EME1: variants seen among roughly 807,000 people sequenced by gnomAD.
EME1 encodes structure-specific endonuclease subunit EME1.
A neutral mutation model predicts 59.1 loss-of-function variants in EME1; 61 were observed. The observed-to-expected ratio is 1.03, with a 90% CI of 0.84 to 1.28. EME1 has a LOEUF of 1.28. Ranked by LOEUF, EME1 falls within the 50% of genes most tolerant of loss-of-function variation. The probability of loss-of-function intolerance (pLI) is 0.00; values close to 1 mark genes in which losing one functional copy is unlikely to be tolerated. For synonymous variants in EME1, 230 were observed against 254.2 expected (o/e 0.90, Z 0.90); for missense variants, 635 against 682.6 (o/e 0.93, Z 0.78).
chr17:50,374,843 C>CAA (rs896140765), intron 1 of EME1, among the ~76,000 whole-genome samples: 1 of 134,850 alleles, frequency 7.4e-6, no homozygotes, highest in Non-Finnish European at 1.6e-5. Flanking sequence ...GACTCCATCT[C>CAA]AAAAAAAAAA....
rs764264502 is a variant in EME1 at position 50,375,604 on chromosome 17, A to T, written c.396A>T (p.Ser132=). 2 of 1,579,838 alleles carry T rather than the reference A, an allele frequency of 1.3e-6. No individual in the cohort carries two copies. The highest frequency in any genetic ancestry group is 1.7e-6 in the Non-Finnish European group (2 of 1,169,328). Residue 132 remains serine, a synonymous_variant, in exon 2 of 9, where the codon TCA becomes TCT. Coordinates refer to ENST00000338165, the MANE Select transcript of EME1 (RefSeq NM_152463.4). ...ATCATCAAAATAATGAAGGTGCATC[A>T]TGTGACTGGAAAAAGCCCTTTCCAA... ...VLDHQNNEGA[S]CDWKKPFPKI...
chr17:50,376,163 C>A lies in EME1; in HGVS notation c.873C>A (p.Val291=). 1 of 1,613,804 alleles carries A rather than the reference C, an allele frequency of 6.2e-7. No individual in the cohort carries two copies. The highest frequency in any genetic ancestry group is 1.1e-5 in the South Asian group (1 of 91,028). The change falls in exon 3 of 9, where the codon GTC becomes GTA. Residue 291 remains valine, a synonymous_variant. Coordinates refer to ENST00000338165, the MANE Select transcript of EME1 (RefSeq NM_152463.4). ...VIEAQAVPCS[V]TWRRRAGPSE... is the part of the protein sequence containing the mutation. The stretch of plus-strand genomic sequence containing the variant: ...AGGCGCAGGCTGTGCCTTGCAGTGT[C>A]ACTTGGAGGAGAAGGGCTGGGCCGT...
chr17:50,377,885 A>G (rs1022754265), intron 3 of EME1, among the ~76,000 whole-genome samples: 5 of 151,678 alleles, frequency 3.3e-5, no homozygotes, highest in African/African-American at 1.2e-4. Flanking sequence ...CCTCCCAAGT[A>G]GCTGGGATTA....
At chr17:50,379,668 G>A in intron 7 of EME1, 101 bp downstream of exon 7, 1 of 1,006,132 alleles carries the variant, frequency 9.9e-7, no homozygotes, top group Non-Finnish European at 1.5e-6. Flanking sequence ...TCTGCAGTCA[G>A]CCCATTGTCT....
In EME1 at chr17:50,381,386, C is replaced by T. The variant is rs1314916945; in HGVS notation, c.*447C>T. On this transcript the variant is annotated 3_prime_UTR_variant, in exon 9 of 9. Coordinates refer to ENST00000338165, the MANE Select transcript of EME1 (RefSeq NM_152463.4). ...AAGGAACGGGATTATGATGACTATGCGGACTTCTATATTGTCTTCATCTCA... is the reference window on the plus strand; with the variant it reads ...AAGGAACGGGATTATGATGACTATGTGGACTTCTATATTGTCTTCATCTCA... The T allele has an allele frequency of 1.1e-5, 2 of 187,494 alleles. No homozygotes were observed. Among genetic ancestry groups the T allele is most frequent in the Non-Finnish European group, 2.3e-5 (2 of 87,998 alleles). 11.6% of individuals were successfully genotyped at this position (187,494 alleles called of 1,614,324 possible). A position where few individuals can be genotyped will look rare whatever the true frequency, so the allele number is the denominator to read the frequency against.
At position 50,380,353 on chromosome 17, in the gene EME1, G is replaced by T; in HGVS notation, c.1388G>T (p.Ser463Ile). Residue 463 changes from serine to isoleucine, a missense_variant, in exon 8 of 9, where the codon AGT becomes ATT. Ser to Ile is a moderately radical substitution (Grantham distance 142). Transcript: ENST00000338165. ...DETTFSFCLE[S>I]DWAGGVKVDL... ...ACTACCTTCTCCTTCTGTCTGGAGAGTGACTGGGCTGGAGGGGTGAAGGTG... is the reference window on the plus strand; with the variant it reads ...ACTACCTTCTCCTTCTGTCTGGAGATTGACTGGGCTGGAGGGGTGAAGGTG... 1 of 1,613,692 alleles carries T rather than the reference G, an allele frequency of 6.2e-7. No individual in the cohort carries two copies. Among genetic ancestry groups the T allele is most frequent in the Non-Finnish European group, 8.5e-7 (1 of 1,179,784 alleles).
chr17:50,373,300 C>G, intron 1 of EME1, 23 bp downstream of exon 1: 2 of 1,316,794 alleles, frequency 1.5e-6, no homozygotes, highest in Non-Finnish European at 2.1e-6. Flanking sequence ...GGTCGCAGGC[C>G]TGCGGATTGG....
chr17:50,375,001 G>A, intron 1 of EME1, 184 bp from the exon 2 acceptor site: 1 of 499,706 alleles, frequency 2.0e-6, no homozygotes, highest in Non-Finnish European at 3.5e-6. Flanking sequence ...AAGAATTTGA[G>A]GAGGATTCCT....
At chr17:50,378,739 G>T in intron 4 of EME1, 35 bp from the exon 5 acceptor site, 1 of 1,614,224 alleles carries the variant, frequency 6.2e-7, no homozygotes, top group Non-Finnish European at 8.5e-7. Flanking sequence ...TTACTAGGAA[G>T]CAAGTATTAA....
In EME1 at chr17:50,375,317, C is replaced by T. The variant is rs1249384426; in HGVS notation, c.109C>T (p.Gln37Ter). The change falls in exon 2 of 9, where the codon CAG becomes TAG. Residue 37 changes from glutamine to a stop codon, truncating the protein, a stop_gained. Transcript: ENST00000338165. LOFTEE classifies it high-confidence loss of function. ...KKEPSSTKRR[Q>*]PEREEKIVVV... ...GGAACCATCTTCAACAAAGAGGAGA[C>T]AGCCTGAAAGGGAAGAGAAGATTGT... The T allele has an allele frequency of 3.1e-6, 5 of 1,614,166 alleles. No individual in the cohort carries two copies. The highest frequency in any genetic ancestry group is 4.2e-6 in the Non-Finnish European group (5 of 1,180,038).
In EME1 at chr17:50,380,957, G is replaced by A. The variant is rs774471098; in HGVS notation, c.*18G>A. The A allele has an allele frequency of 1.9e-6, 3 of 1,611,834 alleles. No individual in the cohort carries two copies. Among genetic ancestry groups the A allele is most frequent in the East Asian group, 2.2e-5 (1 of 44,814 alleles). On this transcript the variant is annotated 3_prime_UTR_variant, in exon 9 of 9. Transcript: ENST00000338165. ...CTGACTGATTCTAGCCCTCAGGGAT[G>A]AGGATGAAAAGCTGGAAACTTCCAC...
intron 1 of EME1, 63 bp downstream of exon 1, chr17:50,373,340 C>T: frequency 2.3e-6 from 2 of 874,778 alleles, no homozygotes; most frequent in South Asian, 3.2e-5. Flanking sequence ...CACCGCTCTG[C>T]AGAATCTTGG....
At chr17:50,376,941 G>C (rs954411238) in intron 3 of EME1, among the ~76,000 whole-genome samples, 4 of 152,058 alleles carry the variant, frequency 2.6e-5, no homozygotes, top group Non-Finnish European at 5.9e-5. Flanking sequence ...GTAGAGACGG[G>C]GTTTTGCCAT....
At position 50,373,268 on chromosome 17, in the gene EME1, G is replaced by C. The variant is rs1413563848; in HGVS notation, c.-34G>C. The C allele has an allele frequency of 1.3e-6, 2 of 1,550,118 alleles. No homozygotes were observed. The highest frequency in any genetic ancestry group is 3.6e-5 in the Admixed American group (2 of 54,910). On this transcript the variant is annotated 5_prime_UTR_variant, in exon 1 of 9. Transcript: ENST00000338165. ...CGTGGCAGTTGAAAGAGTGGCGGGA[G>C]AAGTTGCAGGTGAGCGTCCCCGGTC...
At chr17:50,374,604 C>A (rs1033019562) in intron 1 of EME1, among the ~76,000 whole-genome samples, 3 of 152,102 alleles carry the variant, frequency 2.0e-5, no homozygotes, top group Non-Finnish European at 2.9e-5. Flanking sequence ...GTAATCTCAG[C>A]ACTTTGGGAG....
chr17:50,380,508 T>C lies in EME1; in HGVS notation c.1536+7T>C, dbSNP rs577437693. The C allele has an allele frequency of 3.1e-6, 5 of 1,612,846 alleles. No homozygotes were observed. The East Asian group carries it at 8.9e-5, about 29-fold the overall frequency. On this transcript the variant is annotated splice_region_variant and intron_variant, in intron 8 of 8. Transcript: ENST00000338165. ...CCCACAGCTCCTGGTACAGGTATGC[T>C]GCTCCAGGGCTCAGGGGTCACTGCC...
Position 50,375,554 on chromosome 17 carries a change from A to G in EME1, c.346A>G (p.Ser116Gly). The G allele has an allele frequency of 6.2e-7, 1 of 1,614,194 alleles. No homozygotes were observed. Residue 116 changes from serine to glycine, a missense_variant, in exon 2 of 9, where the codon AGC becomes GGC. Physicochemically the swap from Ser to Gly is moderately conservative, Grantham distance 56. Coordinates refer to ENST00000338165, the MANE Select transcript of EME1 (RefSeq NM_152463.4). ...THKQLSPEDS[S>G]SPVKSVLDHQ... Reference sequence around the variant, plus strand: ...CAAGCAACTGAGCCCTGAGGACTCTAGCTCCCCAGTTAAAAGTGTTTTGGA... The same window carrying G: ...CAAGCAACTGAGCCCTGAGGACTCTGGCTCCCCAGTTAAAAGTGTTTTGGA...
rs766577919 is a variant in EME1, at chr17:50,375,849, G to A, written c.641G>A (p.Arg214Gln). Reference protein sequence around the residue: ...KVQGRGSHGCRQQRQARQKES... With the variant: ...KVQGRGSHGCQQQRQARQKES... The stretch of plus-strand genomic sequence containing the variant: ...CAGGGAAGAGGCTCACACGGATGCC[G>A]GCAGCAGAGACAAGCAAGGCAGAAG... Residue 214 changes from arginine (R) to glutamine (Q), a missense_variant, in exon 2 of 9, where the codon CGG (arginine) becomes CAG (glutamine). Coordinates refer to ENST00000338165, the MANE Select transcript of EME1 (RefSeq NM_152463.4). 7.4e-6 allele frequency: 12 copies of A among 1,614,040 alleles called. No individual in the cohort carries two copies. The highest frequency in any genetic ancestry group is 2.2e-5 in the East Asian group (1 of 44,890).
At chr17:50,376,684 CAG>C (rs1913488058) in intron 3 of EME1, among the ~76,000 whole-genome samples, 1 of 152,160 alleles carries the variant, frequency 6.6e-6, no homozygotes, top group African/African-American at 2.4e-5. Context: ...GAGTGGTTAA[CAG>C]AATTCAGGAG....
Sources: gnomAD v4.1 joint callset for allele counts (sites outside exome capture counted in the v4.1 genomes callset) on GRCh38, gnomAD v4.1.1 for gene constraint, MANE v1.5 for transcripts, NCBI Gene and HGNC (gene_info 2026-07-23, HGNC 2026-07-21) for gene names.